The following HDAC9 variants were observed in gnomAD, a reference collection of about 807,000 sequenced individuals.
HDAC9 encodes MEF-2 interacting transcription repressor (MITR) protein.
A neutral mutation model predicts 139.4 loss-of-function variants in HDAC9; 41 were observed. The ratio of observed to expected loss-of-function variants is 0.29; its 90% confidence interval spans 0.23 to 0.38. The LOEUF (loss-of-function observed/expected upper bound fraction) is 0.38, where lower values mean the gene tolerates loss of function less well. HDAC9 is among the 10% of genes least tolerant of loss of function. The pLI is 1.00. For missense variants in HDAC9, 1,147 were observed against 1,297.0 expected, an observed-to-expected ratio of 0.88 and a Z score of 1.78; for synonymous variants, 517 against 476.2, an observed-to-expected ratio of 1.09 and a Z score of -1.12.
rs373284914 is a variant in HDAC9 at position 18,275,142 on chromosome 7, CACTT to C, written c.25+112798_25+112801del. On this transcript the variant is annotated intron_variant, in intron 2 of 12. Coordinates refer to the HDAC9 transcript ENST00000417496. Reference sequence around the variant, plus strand: ...CAGTGTTTCCCATATCAATTAATGACACTTACTTCTAATTGCTCAGGCCAGAAAT... The same window carrying C: ...CAGTGTTTCCCATATCAATTAATGACACTTCTAATTGCTCAGGCCAGAAAT... Among the ~76,000 whole-genome samples, 318 of 152,298 alleles carry C rather than the reference CACTT, an allele frequency of 2.1e-3. 5 individuals carry two copies. The highest frequency in any genetic ancestry group is 7.4e-3 in the African/African-American group (309 of 41,574).
At position 18,363,298 on chromosome 7, in the gene HDAC9, G is replaced by C. The variant is rs983244028; in HGVS notation, c.-42+72783G>C. Among the ~76,000 whole-genome samples, 13 of 152,020 alleles carry C rather than the reference G, an allele frequency of 8.6e-5. 1 individual carries two copies. The highest frequency in any genetic ancestry group is 2.9e-5 in the Non-Finnish European group (2 of 68,008). On this transcript the variant is annotated intron_variant, in intron 1 of 3. Transcript: ENST00000413509. ...TATCTTTTGTAACTTCCTGGTGTCT[G>C]ATCTTAGATACTTCTAAAGCTGATT...
At chr7:18,700,331 C>A (rs74757143) in intron 12 of HDAC9, among the ~76,000 whole-genome samples, 19,817 of 152,166 alleles carry the variant, frequency 0.13, 1,347 homozygotes, top group East Asian at 0.23. Context: ...CTTAACTTGA[C>A]CAACCCTTTA....
intron 2 of HDAC9, among the ~76,000 whole-genome samples, chr7:18,245,335 G>C (rs920081439): frequency 1.3e-5 from 2 of 152,160 alleles, no homozygotes; most frequent in Non-Finnish European, 2.9e-5. Flanking sequence ...CTGTAGAATT[G>C]CAACCCCTGA....
At chr7:18,736,859 GGT>G (rs1307600860) in intron 13 of HDAC9, among the ~76,000 whole-genome samples, 2 of 152,060 alleles carry the variant, frequency 1.3e-5, no homozygotes, top group Non-Finnish European at 2.9e-5. Flanking sequence ...GAATCCATCT[GGT>G]ATTGGACTTT....
chr7:18,704,683 A>G (rs959730594), intron 12 of HDAC9, among the ~76,000 whole-genome samples: 1 of 152,236 alleles, frequency 6.6e-6, no homozygotes, highest in Non-Finnish European at 1.5e-5. Context: ...TGATTTCAGT[A>G]GCTGATGAAA....
Position 18,095,263 on chromosome 7 carries a change from A to G in HDAC9, c.-97+8050A>G, listed in dbSNP as rs182411989. On this transcript the variant is annotated intron_variant, in intron 1 of 12. Transcript: ENST00000417496. Reference sequence around the variant, plus strand: ...AGATCTCATTCCTCTCTGAATTCCTACTGTAGTTTAGGGTTATGGCTATGT... The same window carrying G: ...AGATCTCATTCCTCTCTGAATTCCTGCTGTAGTTTAGGGTTATGGCTATGT... Among the ~76,000 whole-genome samples the G allele has an allele frequency of 3.3e-3, 508 of 152,162 alleles. 1 individual carries two copies. Among genetic ancestry groups the G allele is most frequent in the African/African-American group, 0.012 (482 of 41,512 alleles).
chr7:18,238,529 A>G (rs1172978689), intron 2 of HDAC9, among the ~76,000 whole-genome samples: 2 of 152,204 alleles, frequency 1.3e-5, no homozygotes, highest in Admixed American at 6.5e-5. Context: ...TTCATTAATC[A>G]GAGAAAGATA....
intron 1 of HDAC9, chr7:18,327,710 C>G (rs1302067738): frequency 1.3e-5 from 2 of 151,802 alleles, no homozygotes; most frequent in Non-Finnish European, 2.9e-5. Flanking sequence ...AGAGCCTATA[C>G]CAACCAAAGT....
intron 2 of HDAC9, among the ~76,000 whole-genome samples, chr7:18,246,935 T>C (rs898889521): frequency 6.6e-6 from 1 of 151,920 alleles, no homozygotes; most frequent in Non-Finnish European, 1.5e-5. Context: ...ACCAAGAGAA[T>C]TTGCTGTAGG....
At chr7:18,389,849 A>G (rs1325091214) in intron 1 of HDAC9, among the ~76,000 whole-genome samples, 1 of 152,194 alleles carries the variant, frequency 6.6e-6, no homozygotes. Context: ...CAGCAAAGGC[A>G]AAGAGGGGTT....
At chr7:18,703,159 A>T (rs1302621806) in intron 12 of HDAC9, among the ~76,000 whole-genome samples, 1 of 152,200 alleles carries the variant, frequency 6.6e-6, no homozygotes, top group African/African-American at 2.4e-5. Flanking sequence ...CACTGAGTAT[A>T]TATATTGTTG....
At chr7:18,732,889 G>GTA (rs1786375284) in intron 13 of HDAC9, among the ~76,000 whole-genome samples, 1 of 98,634 alleles carries the variant, frequency 1.0e-5, no homozygotes. Context: ...GTGTGCGTAT[G>GTA]TGTACACACA....
chr7:18,957,768 C>G (rs766560157), intron 24 of HDAC9, among the ~76,000 whole-genome samples: 25 of 152,228 alleles, frequency 1.6e-4, no homozygotes, highest in Middle Eastern at 3.4e-3. Context: ...TCTTCACATA[C>G]GTCTCTGAGT....
intron 25 of HDAC9, among the ~76,000 whole-genome samples, chr7:18,989,844 A>G (rs1328456571): frequency 2.8e-5 from 4 of 145,316 alleles, no homozygotes; most frequent in African/African-American, 1.0e-4. Flanking sequence ...AGTTGATCGC[A>G]TCGGCTCCTG....
At chr7:18,097,613 G>A (rs1022486965) in intron 1 of HDAC9, among the ~76,000 whole-genome samples, 14 of 151,922 alleles carry the variant, frequency 9.2e-5, no homozygotes, top group Admixed American at 6.6e-5. Context: ...TGTCACACAG[G>A]CTATAATGCA....
At chr7:18,803,579 T>A (rs1793475579) in intron 17 of HDAC9, among the ~76,000 whole-genome samples, 2 of 152,192 alleles carry the variant, frequency 1.3e-5, no homozygotes, top group Non-Finnish European at 2.9e-5. Flanking sequence ...TGATAGTTTC[T>A]CTCAGCACTT....
intron 2 of HDAC9, among the ~76,000 whole-genome samples, chr7:18,245,563 C>A (rs959163481): frequency 6.6e-6 from 1 of 152,088 alleles, no homozygotes; most frequent in Non-Finnish European, 1.5e-5. Flanking sequence ...GGGGAGCCCA[C>A]CAAGATAGAA....
intron 1 of HDAC9, among the ~76,000 whole-genome samples, chr7:18,352,797 A>G (rs1248678398): frequency 1.3e-5 from 2 of 151,962 alleles, no homozygotes; most frequent in Non-Finnish European, 2.9e-5. Flanking sequence ...ACTTTGGTTC[A>G]GATACTTGTG....
intron 2 of HDAC9, among the ~76,000 whole-genome samples, chr7:18,580,129 T>G (rs1372705102): frequency 6.6e-6 from 1 of 152,176 alleles, no homozygotes; most frequent in East Asian, 1.9e-4. Context: ...ACCCTTGAAT[T>G]AAAAAATATT....
Sources: gnomAD v4.1 joint callset for allele counts (sites outside exome capture counted in the v4.1 genomes callset) on GRCh38, gnomAD v4.1.1 for gene constraint, MANE v1.5 for transcripts, NCBI Gene and HGNC (gene_info 2026-07-23, HGNC 2026-07-21) for gene names.